The following CENPP variants were observed in gnomAD, a reference collection of about 807,000 sequenced individuals.
The protein encoded by CENPP is centromere protein P.
CENPP carries 24 observed loss-of-function variants against 35.6 expected under a neutral mutation model. The ratio of observed to expected loss-of-function variants is 0.67; its 90% CI spans 0.49 to 0.95. The LOEUF is 0.95. Ranked by LOEUF, CENPP falls within the 40% of genes least tolerant of loss-of-function variation. The pLI is 0.00. For synonymous variants in CENPP, 120 were observed against 125.5 expected, an observed-to-expected ratio of 0.96 and a Z score of 0.29; for missense variants, 332 against 345.3, an observed-to-expected ratio of 0.96 and a Z score of 0.31.
At chr9:92,385,546 A>G in intron 5 of CENPP, 1 of 1,276,538 alleles carries the variant, frequency 7.8e-7, no homozygotes, top group Non-Finnish European at 1.1e-6. Flanking sequence ...ACCAATACTT[A>G]AGTTCCTTTA....
chr9:92,502,831 A>G (rs2131159531), intron 5 of CENPP, among the ~76,000 whole-genome samples: 1 of 131,310 alleles, frequency 7.6e-6, no homozygotes, highest in Non-Finnish European at 1.6e-5. Flanking sequence ...TTTTTGAGAC[A>G]GGGTCTCACT....
intron 5 of CENPP, among the ~76,000 whole-genome samples, chr9:92,559,087 G>A (rs943275788): frequency 2.0e-5 from 3 of 152,226 alleles, no homozygotes; most frequent in South Asian, 4.1e-4. Flanking sequence ...CTCTTCCCCC[G>A]CCTCTGAAGT....
At chr9:92,502,635 A>G in intron 5 of CENPP, 1 of 1,587,584 alleles carries the variant, frequency 6.3e-7, no homozygotes, top group Non-Finnish European at 8.6e-7. Context: ...CAATTTGGTT[A>G]TTTTCTAGGT....
At chr9:92,414,858 C>A in intron 5 of CENPP, 1 of 262,526 alleles carries the variant, frequency 3.8e-6, no homozygotes, top group Non-Finnish European at 7.2e-6. Flanking sequence ...ATGATACACT[C>A]ACTTTCTTTA....
In CENPP at chr9:92,615,106, G is replaced by C. The variant is rs1851391752; in HGVS notation, c.*1957G>C. 6.6e-6 allele frequency: 1 copy of C among 152,190 alleles called. No homozygotes were observed. The highest frequency in any genetic ancestry group is 1.5e-5 in the Non-Finnish European group (1 of 68,134). The allele number at this position is 152,190 out of a possible 1,614,324, so 9.4% of individuals were successfully genotyped here. ...CTTCTACAGCAGCAATTTTTAGTGG[G>C]AAAGAACAGCTCATCTCCCCCTCAT... On this transcript the variant is annotated 3_prime_UTR_variant, in exon 8 of 8. Coordinates refer to ENST00000375587, the MANE Select transcript of CENPP (RefSeq NM_001012267.3).
intron 5 of CENPP, among the ~76,000 whole-genome samples, chr9:92,538,290 A>AT (rs1371939598): frequency 3.9e-5 from 6 of 152,240 alleles, no homozygotes; most frequent in African/African-American, 1.4e-4. Flanking sequence ...TATACCAGGA[A>AT]TAAAGAGATT....
intron 4 of CENPP, among the ~76,000 whole-genome samples, chr9:92,360,352 A>G (rs1841714427): frequency 6.6e-6 from 1 of 152,162 alleles, no homozygotes; most frequent in African/African-American, 2.4e-5. Flanking sequence ...GTATGTGCTG[A>G]AAAACTCCAT....
intron 4 of CENPP, among the ~76,000 whole-genome samples, chr9:92,371,616 G>C (rs1336208222): frequency 6.6e-6 from 1 of 152,124 alleles, no homozygotes; most frequent in Non-Finnish European, 1.5e-5. Context: ...GTAAATGTCT[G>C]TTAGGTCCAT....
intron 4 of CENPP, among the ~76,000 whole-genome samples, chr9:92,369,924 C>T (rs1336784442): frequency 6.6e-6 from 1 of 152,152 alleles, no homozygotes; most frequent in Non-Finnish European, 1.5e-5. Context: ...TTTCAACTTT[C>T]CCCTGTTCAG....
intron 5 of CENPP, chr9:92,459,531 C>A (rs1845016189): frequency 7.0e-6 from 8 of 1,150,580 alleles, no homozygotes; most frequent in African/African-American, 1.5e-5. Context: ...GTTTGAATCA[C>A]CCTTGCTGCT....
intron 5 of CENPP, chr9:92,401,302 C>A: frequency 1.8e-6 from 1 of 563,936 alleles, no homozygotes; most frequent in Non-Finnish European, 3.1e-6. Context: ...CTTTGTGCTC[C>A]ATTAGGCTTT....
rs1346564443 is a variant in CENPP, at chr9:92,618,376, G to A, written c.*5227G>A. 2 of 456,706 alleles carry A rather than the reference G, an allele frequency of 4.4e-6. No individual in the cohort carries two copies. The highest frequency in any genetic ancestry group is 4.0e-5 in the African/African-American group (2 of 50,178). 28.3% of individuals were successfully genotyped at this position (456,706 alleles called of 1,614,324 possible). On this transcript the variant is annotated 3_prime_UTR_variant, in exon 8 of 8. Coordinates refer to ENST00000375587, the MANE Select transcript of CENPP (RefSeq NM_001012267.3). ...GGCCTTCAGCTTTCCCCGCATGCTG[G>A]CTTTCCAATTTGACATCACTGACCA...
intron 5 of CENPP, among the ~76,000 whole-genome samples, chr9:92,539,463 G>C (rs1849267238): frequency 6.6e-6 from 1 of 151,384 alleles, no homozygotes; most frequent in Admixed American, 6.6e-5. Flanking sequence ...TCTAGTAAGG[G>C]CTCAGCTTAA....
intron 5 of CENPP, among the ~76,000 whole-genome samples, chr9:92,410,222 C>T (rs1843409694): frequency 6.6e-6 from 1 of 152,172 alleles, no homozygotes; most frequent in African/African-American, 2.4e-5. Context: ...AGGCGTGAGC[C>T]ACCGTGCCCA....
intron 3 of CENPP, among the ~76,000 whole-genome samples, chr9:92,337,847 G>C (rs1318977093): frequency 2.0e-5 from 3 of 152,204 alleles, no homozygotes; most frequent in Non-Finnish European, 4.4e-5. Flanking sequence ...AGCCAAAGGT[G>C]CTTTATTGAA....
chr9:92,495,677 A>G, intron 5 of CENPP: 2 of 886,966 alleles, frequency 2.3e-6, no homozygotes, highest in Non-Finnish European at 2.7e-6. Context: ...CCCTTCTGCC[A>G]GCTTTCCTTA....
At chr9:92,555,352 G>A (rs553584427) in intron 5 of CENPP, among the ~76,000 whole-genome samples, 1 of 147,562 alleles carries the variant, frequency 6.8e-6, no homozygotes, top group African/African-American at 2.5e-5. Context: ...TCAACCTCCC[G>A]AGTAGCTGGG....
intron 5 of CENPP, among the ~76,000 whole-genome samples, chr9:92,519,947 ACT>A (rs1405910158): frequency 1.3e-4 from 20 of 150,968 alleles, no homozygotes; most frequent in African/African-American, 3.9e-4. Flanking sequence ...TTCATAAAGA[ACT>A]CTTACAACTC....
intron 4 of CENPP, among the ~76,000 whole-genome samples, chr9:92,346,112 T>C (rs1021054491): frequency 6.6e-6 from 1 of 152,238 alleles, no homozygotes; most frequent in African/African-American, 2.4e-5. Context: ...TATAAAATTA[T>C]GGCTATGTTA....
Sources: gnomAD v4.1 joint callset for allele counts (sites outside exome capture counted in the v4.1 genomes callset) on GRCh38, gnomAD v4.1.1 for gene constraint, MANE v1.5 for transcripts, NCBI Gene and HGNC (gene_info 2026-07-23, HGNC 2026-07-21) for gene names.